The following XIRP2 variants were observed in gnomAD, a reference collection of about 807,000 sequenced individuals.
XIRP2 encodes the protein xin actin-binding repeat-containing protein 2.
Under a neutral mutation model 277.0 loss-of-function variants are expected in XIRP2, and 236 were observed. The ratio of observed to expected loss-of-function variants is 0.85; its 90% CI spans 0.77 to 0.95. XIRP2 has a LOEUF of 0.95. XIRP2 is among the 40% of genes least tolerant of loss of function. The pLI, the probability that XIRP2 is intolerant of heterozygous loss-of-function variation, is 0.00. For missense variants in XIRP2, 4,640 were observed against 4,157.5 expected, an observed-to-expected ratio of 1.12 and a Z score of -3.19; for synonymous variants, 1,490 against 1,416.5, an observed-to-expected ratio of 1.05 and a Z score of -1.17.
chr2:166,910,575 G>T (rs922708006), intron 2 of XIRP2, among the ~76,000 whole-genome samples: 2 of 151,916 alleles, frequency 1.3e-5, no homozygotes, highest in East Asian at 3.9e-4. Context: ...TCCTGGATTC[G>T]TTGATTTTTT....
At chr2:166,948,470 G>A (rs1685940364) in intron 2 of XIRP2, among the ~76,000 whole-genome samples, 1 of 152,010 alleles carries the variant, frequency 6.6e-6, no homozygotes, top group Non-Finnish European at 1.5e-5. Flanking sequence ...AAGAAACAAA[G>A]ACCCTTGGAG....
At position 167,089,094 on chromosome 2, in the gene XIRP2, G is replaced by A. The variant is rs115692638; in HGVS notation, c.409-46815G>A. Among the ~76,000 whole-genome samples, 371 of 152,258 alleles carry A rather than the reference G, an allele frequency of 2.4e-3. 1 individual carries two copies. The highest frequency in any genetic ancestry group is 3.4e-3 in the Middle Eastern group (1 of 294). On this transcript the variant is annotated intron_variant, in intron 2 of 10. Transcript: ENST00000409195. ...ACAATCCTGTCAACTTAGTACACCA[G>A]CAGTGTACTACTTAGGATGATGTCA...
intron 1 of XIRP2, among the ~76,000 whole-genome samples, chr2:166,898,216 T>C (rs1684293561): frequency 6.6e-6 from 1 of 152,164 alleles, no homozygotes. Context: ...AAGCTAAACA[T>C]TGTGCTCACA....
intron 2 of XIRP2, among the ~76,000 whole-genome samples, chr2:167,133,704 T>A (rs1691450738): frequency 6.6e-6 from 1 of 152,184 alleles, no homozygotes; most frequent in Non-Finnish European, 1.5e-5. Flanking sequence ...ATTTATCTCA[T>A]CTTGTTTTTG....
chr2:167,062,511 G>C (rs920168809), intron 2 of XIRP2, among the ~76,000 whole-genome samples: 1 of 152,076 alleles, frequency 6.6e-6, no homozygotes, highest in Non-Finnish European at 1.5e-5. Flanking sequence ...TTTGACAACA[G>C]GTAATACAGA....
chr2:166,952,605 C>T (rs548452921), intron 2 of XIRP2, among the ~76,000 whole-genome samples: 3 of 152,002 alleles, frequency 2.0e-5, no homozygotes, highest in Admixed American at 1.3e-4. Flanking sequence ...TAATCCCACA[C>T]GAATCCTGAA....
intron 3 of XIRP2, among the ~76,000 whole-genome samples, chr2:167,180,522 CT>C (rs1407403210): frequency 1.3e-5 from 2 of 152,058 alleles, no homozygotes; most frequent in African/African-American, 4.8e-5. Flanking sequence ...TTTTTGCAGT[CT>C]ATTTTAGTCT....
rs185785389 is a variant in XIRP2 at position 167,247,770 on chromosome 2, A to T, written c.6378A>T (p.Thr2126=). 3 of 1,613,542 alleles carry T rather than the reference A, an allele frequency of 1.9e-6. No homozygotes were observed. In the African/African-American group the frequency reaches 4.0e-5, roughly 22 times the overall value. ...SAGKTVGKQQ[T]YELRNDHQKM... ...GTAAAACCGTTGGAAAGCAACAGAC[A>T]TATGAACTGAGAAATGACCACCAGA... The change falls in exon 9 of 11, where the codon ACA becomes ACT. Residue 2126 remains threonine (T), a synonymous_variant. Coordinates refer to ENST00000409195, the MANE Select transcript of XIRP2 (RefSeq NM_152381.6).
rs535323819 is a variant in XIRP2, at chr2:167,038,541, G to A, written c.409-97368G>A. ...TTCTATCCAGAGAAAGCTTAGTTCT[G>A]GGATTTTTTTTTCCAGTAGTGATAT... On this transcript the variant is annotated intron_variant, in intron 2 of 10. Coordinates refer to ENST00000409195, the MANE Select transcript of XIRP2 (RefSeq NM_152381.6). Among the ~76,000 whole-genome samples the A allele has an allele frequency of 6.8e-4, 102 of 150,608 alleles. 2 individuals are homozygous for A. The highest frequency in any genetic ancestry group is 1.2e-3 in the Non-Finnish European group (82 of 67,834).
intron 2 of XIRP2, among the ~76,000 whole-genome samples, chr2:167,019,009 T>C (rs1687910848): frequency 6.6e-6 from 1 of 151,952 alleles, no homozygotes; most frequent in African/African-American, 2.4e-5. Flanking sequence ...GATATAGTTA[T>C]TGCTGAGCAA....
intron 3 of XIRP2, among the ~76,000 whole-genome samples, chr2:167,154,172 T>C (rs927107887): frequency 4.7e-5 from 7 of 149,628 alleles, no homozygotes; most frequent in African/African-American, 9.9e-5. Flanking sequence ...ATGGTGAGCA[T>C]TTTTTCATGT....
intron 2 of XIRP2, among the ~76,000 whole-genome samples, chr2:166,927,279 T>TTG (rs1223643377): frequency 6.6e-6 from 1 of 152,138 alleles, no homozygotes; most frequent in Non-Finnish European, 1.5e-5. Context: ...ATGATGGTAA[T>TTG]TGTTTCCTAT....
chr2:167,030,322 A>G (rs577637182), intron 2 of XIRP2, among the ~76,000 whole-genome samples: 1 of 152,002 alleles, frequency 6.6e-6, no homozygotes, highest in African/African-American at 2.4e-5. Flanking sequence ...TTGATTTTAG[A>G]TCTTTCCCGC....
intron 2 of XIRP2, among the ~76,000 whole-genome samples, chr2:166,929,386 G>A (rs1384697932): frequency 1.3e-5 from 2 of 152,066 alleles, no homozygotes; most frequent in Non-Finnish European, 2.9e-5. Flanking sequence ...TAAGAATTCT[G>A]AAAAGCAAAG....
At chr2:167,038,759 T>C (rs539486574) in intron 2 of XIRP2, among the ~76,000 whole-genome samples, 1 of 152,202 alleles carries the variant, frequency 6.6e-6, no homozygotes, top group Non-Finnish European at 1.5e-5. Context: ...ATGATCCTCA[T>C]ACATATAAAT....
chr2:166,955,812 T>C (rs1283591657), intron 2 of XIRP2, among the ~76,000 whole-genome samples: 1 of 151,200 alleles, frequency 6.6e-6, no homozygotes, highest in Admixed American at 6.6e-5. Flanking sequence ...TCTGTTTAGT[T>C]TGCTTTTTTT....
At chr2:167,010,784 A>C (rs976713160) in intron 2 of XIRP2, among the ~76,000 whole-genome samples, 3 of 152,000 alleles carry the variant, frequency 2.0e-5, no homozygotes, top group Non-Finnish European at 4.4e-5. Context: ...GAGGTCCTTC[A>C]CGTCCCTTGT....
At chr2:166,900,272 T>A (rs1684348747) in intron 1 of XIRP2, among the ~76,000 whole-genome samples, 1 of 152,072 alleles carries the variant, frequency 6.6e-6, no homozygotes, top group South Asian at 2.1e-4. Context: ...GCTAAGTCCA[T>A]TCAATGAGTT....
intron 5 of XIRP2, among the ~76,000 whole-genome samples, chr2:167,226,619 T>C (rs911609077): frequency 4.6e-5 from 7 of 152,112 alleles, no homozygotes; most frequent in Non-Finnish European, 1.0e-4. Flanking sequence ...CATTCATTTT[T>C]CCCTTGCCCT....
Sources: allele counts gnomAD v4.1 joint callset (sites outside exome capture counted in the v4.1 genomes callset), GRCh38; gene constraint gnomAD v4.1.1; transcripts MANE v1.5; gene names NCBI Gene and HGNC (gene_info 2026-07-23, HGNC 2026-07-21).